Variants in SEMA4D observed in about 807,000 individuals in gnomAD.
SEMA4D encodes the protein semaphorin-4D.
In SEMA4D, 22 loss-of-function variants were observed where a neutral mutation model predicts 74.8. The ratio of observed to expected loss-of-function variants is 0.29; its 90% CI spans 0.21 to 0.42. The LOEUF is 0.42. Ranked by LOEUF, SEMA4D falls within the 10% of genes least tolerant of loss-of-function variation. SEMA4D has a pLI of 1.00. For synonymous variants in SEMA4D, 445 were observed against 463.7 expected, an observed-to-expected ratio of 0.96 and a Z score of 0.52; for missense variants, 937 against 1,118.4, an observed-to-expected ratio of 0.84 and a Z score of 2.31.
intron 13 of SEMA4D, among the ~76,000 whole-genome samples, chr9:89,383,961 G>A (rs141825171): frequency 1.3e-5 from 2 of 152,226 alleles, no homozygotes; most frequent in Admixed American, 6.5e-5. Flanking sequence ...GTGTGTGCGC[G>A]TCAGACCCCG....
At chr9:89,384,512 TA>T (rs1837968227) in intron 13 of SEMA4D, 1 of 314,970 alleles carries the variant, frequency 3.2e-6, no homozygotes, top group Non-Finnish European at 4.6e-6. Context: ...ATTTCACAGG[TA>T]AAAAGCTTCT....
At chr9:89,472,250 A>C (rs1057353824) in intron 1 of SEMA4D, 5 of 319,814 alleles carry the variant, frequency 1.6e-5, no homozygotes, top group African/African-American at 1.1e-4. Context: ...GCAGCCACCA[A>C]GGGCTGGGGA....
intron 2 of SEMA4D, among the ~76,000 whole-genome samples, chr9:89,454,373 C>T (rs1032304573): frequency 5.3e-5 from 8 of 152,156 alleles, no homozygotes; most frequent in Admixed American, 6.5e-5. Context: ...GTGGTGTGGA[C>T]GTGGCTGAGG....
intron 13 of SEMA4D, among the ~76,000 whole-genome samples, chr9:89,382,453 C>G (rs1053818218): frequency 3.3e-5 from 5 of 152,180 alleles, no homozygotes; most frequent in African/African-American, 1.2e-4. Flanking sequence ...GGCCCTGATG[C>G]CAATACAGGA....
At chr9:89,481,563 G>A (rs554221164) in intron 1 of SEMA4D, among the ~76,000 whole-genome samples, 13 of 152,368 alleles carry the variant, frequency 8.5e-5, no homozygotes, top group African/African-American at 2.2e-4. Flanking sequence ...ACTGGAAGCC[G>A]AGAGGGCAGC....
rs528983346 is a variant in SEMA4D, at chr9:89,393,044, C to T, written c.509-508G>A. 3.3e-5 allele frequency among the ~76,000 whole-genome samples: 5 copies of T among 152,294 alleles called. No homozygotes were observed. The East Asian group carries it at 5.8e-4, about 18-fold the overall frequency. On this transcript the variant is annotated intron_variant, in intron 7 of 15. Coordinates refer to ENST00000422704, the MANE Select transcript of SEMA4D (RefSeq NM_001371194.2). Reference sequence around the variant, plus strand: ...GGCTGGTCTCAAACTCCTGTCCTCCCGCCTGAGCCTCCCGAGTAGCTAGGA... The same window carrying T: ...GGCTGGTCTCAAACTCCTGTCCTCCTGCCTGAGCCTCCCGAGTAGCTAGGA...
chr9:89,388,079 C>T (rs528372163), intron 11 of SEMA4D, among the ~76,000 whole-genome samples: 1 of 152,254 alleles, frequency 6.6e-6, no homozygotes, highest in South Asian at 2.1e-4. Context: ...CGAAGCTATG[C>T]ATAGAAGGAG....
intron 2 of SEMA4D, among the ~76,000 whole-genome samples, chr9:89,424,248 A>G (rs2134334104): frequency 6.6e-6 from 1 of 152,322 alleles, no homozygotes; most frequent in South Asian, 2.1e-4. Flanking sequence ...GTTAAACACA[A>G]TGTTACAAAC....
In SEMA4D at chr9:89,379,407, C is replaced by G. The variant is rs769767032; in HGVS notation, c.1886G>C (p.Arg629Thr). 1.9e-6 allele frequency: 3 copies of G among 1,614,064 alleles called. No individual in the cohort carries two copies. Among genetic ancestry groups the G allele is most frequent in the African/African-American group, 2.7e-5 (2 of 74,930 alleles). ...TTGGAAGACCGTTTTGTTCTTAACCCTCTCCTCTGACAGGCACTGGTACAC... is the reference window on the plus strand; with the variant it reads ...TTGGAAGACCGTTTTGTTCTTAACCGTCTCCTCTGACAGGCACTGGTACAC... Reference protein sequence around the residue: ...SGVYQCLSEERVKNKTVFQVV... With the variant: ...SGVYQCLSEETVKNKTVFQVV... The change falls in exon 16 of 16, where the codon AGG (arginine) becomes ACG (threonine). Residue 629 changes from arginine (R) to threonine (T), a missense_variant. Coordinates refer to ENST00000422704, the MANE Select transcript of SEMA4D (RefSeq NM_001371194.2).
chr9:89,369,049 A>G (rs539941648), intron 16 of SEMA4D: 21 of 152,392 alleles, frequency 1.4e-4, no homozygotes, highest in African/African-American at 4.6e-4. Flanking sequence ...CTAACATGCG[A>G]AGGACCTCAG....
intron 1 of SEMA4D, among the ~76,000 whole-genome samples, chr9:89,496,328 C>T (rs1053885683): frequency 2.6e-5 from 4 of 152,202 alleles, no homozygotes; most frequent in South Asian, 2.1e-4. Context: ...TGCATCCCCA[C>T]GGTGGCCTTT....
intron 1 of SEMA4D, among the ~76,000 whole-genome samples, chr9:89,459,060 C>T (rs774025371): frequency 6.6e-6 from 1 of 152,214 alleles, no homozygotes; most frequent in Non-Finnish European, 1.5e-5. Context: ...CCCACTCACA[C>T]GCTGGGGAAA....
At chr9:89,412,644 T>G (rs538421639) in intron 2 of SEMA4D, among the ~76,000 whole-genome samples, 2 of 152,272 alleles carry the variant, frequency 1.3e-5, no homozygotes, top group Non-Finnish European at 2.9e-5. Context: ...TATCCAGGTC[T>G]GCAGTGTATT....
intron 2 of SEMA4D, among the ~76,000 whole-genome samples, chr9:89,430,854 G>GT (rs1208183715): frequency 1.3e-5 from 2 of 151,588 alleles, no homozygotes; most frequent in Non-Finnish European, 1.5e-5. Context: ...GCTCGCGCCT[G>GT]TAATCCCAGC....
At chr9:89,462,986 G>GGGGA (rs1224401410) in intron 1 of SEMA4D, among the ~76,000 whole-genome samples, 2 of 148,764 alleles carry the variant, frequency 1.3e-5, no homozygotes, top group Non-Finnish European at 3.0e-5. Flanking sequence ...GAGCGAGGGA[G>GGGGA]AAAGAGAGGC....
At chr9:89,454,356 A>C (rs570194678) in intron 2 of SEMA4D, among the ~76,000 whole-genome samples, 56 of 152,294 alleles carry the variant, frequency 3.7e-4, no homozygotes, top group African/African-American at 1.1e-3. Flanking sequence ...AGGAGTGGCC[A>C]CAGAAGGTGG....
chr9:89,369,469 A>G (rs1834202788), intron 16 of SEMA4D: 1 of 152,270 alleles, frequency 6.6e-6, no homozygotes, highest in African/African-American at 2.4e-5. Flanking sequence ...GGCAGAGGTG[A>G]AGGCAGGGCC....
intron 2 of SEMA4D, among the ~76,000 whole-genome samples, chr9:89,412,519 G>A (rs867758798): frequency 6.6e-6 from 1 of 152,172 alleles, no homozygotes; most frequent in African/African-American, 2.4e-5. Flanking sequence ...CTTTTACCTT[G>A]GACCAATCCA....
At chr9:89,445,671 C>CT (rs1852643496) in intron 2 of SEMA4D, among the ~76,000 whole-genome samples, 1 of 152,188 alleles carries the variant, frequency 6.6e-6, no homozygotes, top group Admixed American at 6.5e-5. Context: ...CATCCACAAG[C>CT]TGGAGACCCT....
Sources: gnomAD v4.1 joint callset for allele counts (sites outside exome capture counted in the v4.1 genomes callset) on GRCh38, gnomAD v4.1.1 for gene constraint, MANE v1.5 for transcripts, NCBI Gene and HGNC (gene_info 2026-07-23, HGNC 2026-07-21) for gene names.